The following TRPV4 variants were observed in gnomAD, a reference collection of about 807,000 sequenced individuals.
TRPV4 encodes the protein OSM9-like transient receptor potential channel 4.
Under a neutral mutation model 84.1 loss-of-function variants are expected in TRPV4, and 58 were observed. That is an observed-to-expected ratio of 0.69 (90% CI 0.56 to 0.86). TRPV4 has a LOEUF of 0.86. Ranked by LOEUF, TRPV4 falls within the 40% of genes least tolerant of loss-of-function variation. The pLI is 0.00. For synonymous variants in TRPV4, 489 were observed against 500.9 expected, an observed-to-expected ratio of 0.98 and a Z score of 0.32; for missense variants, 879 against 1,181.1, an observed-to-expected ratio of 0.74 and a Z score of 3.75.
intron 1 of TRPV4, among the ~76,000 whole-genome samples, chr12:109,823,313 C>G (rs1892162098): frequency 6.6e-6 from 1 of 152,230 alleles, no homozygotes; most frequent in Non-Finnish European, 1.5e-5. Flanking sequence ...ACTCACACCA[C>G]CCAGGCAGGG....
At chr12:109,784,728 C>T (rs1889571043) in intron 14 of TRPV4, among the ~76,000 whole-genome samples, 1 of 150,396 alleles carries the variant, frequency 6.6e-6, no homozygotes, top group African/African-American at 2.5e-5. Context: ...CCTATAGTCC[C>T]AGTGACCCGA....
chr12:109,794,134 T>C (rs1351357356), intron 8 of TRPV4, 112 bp from the exon 9 acceptor site: 6 of 1,143,654 alleles, frequency 5.2e-6, no homozygotes, highest in Non-Finnish European at 7.7e-6. Flanking sequence ...GCCTCCTCCT[T>C]CACTCTCTTC....
At chr12:109,831,402 G>A (rs1892405531) in intron 1 of TRPV4, among the ~76,000 whole-genome samples, 1 of 152,194 alleles carries the variant, frequency 6.6e-6, no homozygotes, top group African/African-American at 2.4e-5. Flanking sequence ...CTAAGCGTCG[G>A]CCATCCATGC....
chr12:109,833,359 G>C lies in TRPV4; in HGVS notation c.-41C>G, dbSNP rs925233789. On this transcript the variant is annotated 5_prime_UTR_variant, in exon 1 of 16. Transcript: ENST00000261740. Reference sequence around the variant, plus strand: ...CCCGGGCCCCACTTACCTCCGGGACGGCTGGGCGCCGGCGGCCGGGAGATC... The same window carrying C: ...CCCGGGCCCCACTTACCTCCGGGACCGCTGGGCGCCGGCGGCCGGGAGATC... 1 of 152,194 alleles carries C rather than the reference G, an allele frequency of 6.6e-6. No individual in the cohort carries two copies. The highest frequency in any genetic ancestry group is 1.5e-5 in the Non-Finnish European group (1 of 68,104). 9.4% of individuals were successfully genotyped at this position (152,194 alleles called of 1,614,324 possible).
rs967681987 is a variant in TRPV4, at chr12:109,783,786, G to T, written c.2459-8C>A. ...CCACCGAGGACCAGCGATCTGCACC[G>T]AGAGCACATCAGAGGGAGGGGTGGG... On this transcript the variant is annotated splice_polypyrimidine_tract_variant and splice_region_variant and intron_variant, in intron 15 of 15. Coordinates refer to ENST00000261740, the MANE Select transcript of TRPV4 (RefSeq NM_021625.5). The surrounding 1 kb of genome is among the most constrained non-coding windows in gnomAD (Gnocchi z 4.6). The T allele has an allele frequency of 6.2e-7, 1 of 1,611,006 alleles. No homozygotes were observed. The highest frequency in any genetic ancestry group is 8.5e-7 in the Non-Finnish European group (1 of 1,179,930).
At chr12:109,784,950 G>A (rs1889598275) in intron 14 of TRPV4, among the ~76,000 whole-genome samples, 1 of 150,592 alleles carries the variant, frequency 6.6e-6, no homozygotes, top group African/African-American at 2.5e-5. Context: ...GTGGCATTAA[G>A]CACATCCACA....
At chr12:109,819,755 G>A (rs534221284) in intron 1 of TRPV4, among the ~76,000 whole-genome samples, 31 of 152,250 alleles carry the variant, frequency 2.0e-4, no homozygotes, top group Admixed American at 1.4e-3. Flanking sequence ...TACAGACGGG[G>A]TTTCACATGT....
At position 109,788,730 on chromosome 12, in the gene TRPV4, G is replaced by A. The variant is rs937388058; in HGVS notation, c.1892-14C>T. ...GGGAGACCAGGGCTGTGGGAGGATA[G>A]GGGTGGCACTCACTGAGTGTGAGCA... On this transcript the variant is annotated splice_polypyrimidine_tract_variant and intron_variant, in intron 12 of 15. Coordinates refer to ENST00000261740, the MANE Select transcript of TRPV4 (RefSeq NM_021625.5). 6.2e-7 allele frequency: 1 copy of A among 1,613,926 alleles called. No homozygotes were observed. Among genetic ancestry groups the A allele is most frequent in the Non-Finnish European group, 8.5e-7 (1 of 1,180,006 alleles).
intron 3 of TRPV4, among the ~76,000 whole-genome samples, chr12:109,804,114 T>C (rs1890979198): frequency 6.6e-6 from 1 of 152,184 alleles, no homozygotes; most frequent in African/African-American, 2.4e-5. Flanking sequence ...GAAGGTTTCA[T>C]CCACTATCGA....
Position 109,802,977 on chromosome 12 carries a change from G to A in TRPV4, c.712+14C>T. ...TCAGCCCCCGTGGCACCCCTGCCCA[G>A]CCCGGGGCCCCACCTCGATAGTAGA... On this transcript the variant is annotated intron_variant, in intron 4 of 15. Coordinates refer to ENST00000261740, the MANE Select transcript of TRPV4 (RefSeq NM_021625.5). 1 of 1,613,328 alleles carries A rather than the reference G, an allele frequency of 6.2e-7. No individual in the cohort carries two copies.
chr12:109,809,327 T>TACATCCACCCACCCAGCATCCAC (rs1250977270), intron 2 of TRPV4, among the ~76,000 whole-genome samples: 6 of 131,900 alleles, frequency 4.5e-5, no homozygotes, highest in African/African-American at 1.7e-4. Context: ...CCCTCATCCA[T>TACATCCACCCACCCAGCATCCAC]ACATCCACCC....
chr12:109,827,707 C>T (rs1592875821), intron 1 of TRPV4, among the ~76,000 whole-genome samples: 1 of 152,120 alleles, frequency 6.6e-6, no homozygotes, highest in Middle Eastern at 3.4e-3. Context: ...CACACATACA[C>T]ATGTATATAC....
chr12:109,813,667 T>C (rs568717004), intron 2 of TRPV4, among the ~76,000 whole-genome samples: 16 of 151,930 alleles, frequency 1.1e-4, no homozygotes, highest in Non-Finnish European at 2.2e-4. Context: ...TAATGGATGA[T>C]GGATTAATAG....
At chr12:109,809,804 G>C (rs1891411792) in intron 2 of TRPV4, among the ~76,000 whole-genome samples, 1 of 152,246 alleles carries the variant, frequency 6.6e-6, no homozygotes, top group Non-Finnish European at 1.5e-5. Flanking sequence ...CAGACTAAAA[G>C]ATGAGGCATT....
chr12:109,806,515 T>C (rs1891141010), intron 3 of TRPV4, among the ~76,000 whole-genome samples: 1 of 151,622 alleles, frequency 6.6e-6, no homozygotes, highest in Non-Finnish European at 1.5e-5. Context: ...CCAGTAATTG[T>C]CTCCTGATGG....
At chr12:109,800,468 G>T in intron 5 of TRPV4, 150 bp downstream of exon 5, 1 of 979,840 alleles carries the variant, frequency 1.0e-6, no homozygotes, top group Non-Finnish European at 1.5e-6. Context: ...CCAACGTGCA[G>T]CCTGTGGTCC....
At position 109,794,021 on chromosome 12, in the gene TRPV4, G is replaced by A. The variant is rs1051494811; in HGVS notation, c.1493C>T (p.Pro498Leu). 2.6e-5 allele frequency: 42 copies of A among 1,601,768 alleles called. No homozygotes were observed. The highest frequency in any genetic ancestry group is 2.1e-4 in the Admixed American group (12 of 57,490). Reference sequence around the variant, plus strand: ...CACCGTGGTGCGGTAAGGGTACGGCGGCTGGGGAGCAGCAAGGGCACACAG... The same window carrying A: ...CACCGTGGTGCGGTAAGGGTACGGCAGCTGGGGAGCAGCAAGGGCACACAG... ...TAYYQPLEGT[P>L]PYPYRTTVDY... is the part of the protein sequence containing the mutation. The change falls in exon 9 of 16, where the codon CCG (proline) becomes CTG (leucine). Residue 498 changes from proline (P) to leucine (L), a missense_variant and splice_region_variant. Around this residue, in one of 4 missense-constraint regions of TRPV4, gnomAD observed 521 missense variants for 686.6 expected, o/e 0.76. Coordinates refer to ENST00000261740, the MANE Select transcript of TRPV4 (RefSeq NM_021625.5).
chr12:109,785,701 G>A (rs569194783), intron 14 of TRPV4, among the ~76,000 whole-genome samples: 124 of 150,350 alleles, frequency 8.2e-4, no homozygotes, highest in African/African-American at 2.9e-3. Flanking sequence ...TTACAAGCAC[G>A]AGCCACCACA....
chr12:109,815,368 T>C lies in TRPV4; in HGVS notation c.-31-541A>G, dbSNP rs561573470. On this transcript the variant is annotated intron_variant, in intron 1 of 15. Transcript: ENST00000261740. The surrounding 1 kb of genome is among the most constrained non-coding windows in gnomAD (Gnocchi z 4.1). ...TAAGGCAGAACCATTAACCGTGGGC[T>C]TCAGGCACAGGAGGGGCTCAGAAAA... Among the ~76,000 whole-genome samples, 2 of 152,372 alleles carry C rather than the reference T, an allele frequency of 1.3e-5. No homozygotes were observed. Among genetic ancestry groups the C allele is most frequent in the African/African-American group, 4.8e-5 (2 of 41,590 alleles).
Sources: allele counts gnomAD v4.1 joint callset (sites outside exome capture counted in the v4.1 genomes callset), GRCh38; gene constraint gnomAD v4.1.1; regional missense constraint gnomAD v4.1.1; non-coding constraint Gnocchi (gnomAD v3.1); transcripts MANE v1.5; gene names NCBI Gene and HGNC (gene_info 2026-07-23, HGNC 2026-07-21).